Variants in ROCK2 observed in about 807,000 individuals in gnomAD.
ROCK2 encodes the protein Rho associated coiled-coil containing protein kinase 2, also known as rho-associated protein kinase 2.
A neutral mutation model predicts 195.1 loss-of-function variants in ROCK2; 61 were observed. That is an observed-to-expected ratio of 0.31 (90% CI 0.25 to 0.39). The LOEUF (loss-of-function observed/expected upper bound fraction) is 0.39, where lower values mean the gene tolerates loss of function less well. Among genes scored for constraint, ROCK2 ranks in the 10% least tolerant of loss-of-function variants. ROCK2 has a pLI of 1.00. For synonymous variants in ROCK2, 504 were observed against 545.5 expected (o/e 0.92, Z 1.06); for missense variants, 1,109 against 1,637.4 (o/e 0.68, Z 5.57).
chr2:11,316,247 T>C (rs12992581), intron 1 of ROCK2, among the ~76,000 whole-genome samples: 110,796 of 151,946 alleles, frequency 0.73, 42,342 homozygotes, highest in East Asian at 0.94. Flanking sequence ...GAAGAGGAGG[T>C]GATGGATAGG....
chr2:11,311,393 T>C (rs1002563900), intron 1 of ROCK2, among the ~76,000 whole-genome samples: 7 of 152,172 alleles, frequency 4.6e-5, no homozygotes, highest in Non-Finnish European at 8.8e-5. Flanking sequence ...TTGAGAAGCC[T>C]AAGAGAGCTT....
chr2:11,326,425 C>T (rs539815743), intron 1 of ROCK2, among the ~76,000 whole-genome samples: 3 of 152,104 alleles, frequency 2.0e-5, no homozygotes, highest in Admixed American at 6.5e-5. Context: ...GATCTTGGAG[C>T]GAGCAGTTTT....
intron 3 of ROCK2, among the ~76,000 whole-genome samples, chr2:11,256,698 A>T (rs1183705406): frequency 1.3e-5 from 2 of 151,354 alleles, no homozygotes; most frequent in African/African-American, 4.9e-5. Flanking sequence ...GTATATAAAT[A>T]ATAAAGCAGA....
chr2:11,305,901 G>A (rs72789516), intron 1 of ROCK2, among the ~76,000 whole-genome samples: 2 of 152,138 alleles, frequency 1.3e-5, no homozygotes, highest in Non-Finnish European at 2.9e-5. Context: ...AAGTAAAGAA[G>A]TGTACAAGGA....
intron 3 of ROCK2, among the ~76,000 whole-genome samples, chr2:11,274,444 C>T (rs1666756522): frequency 6.6e-6 from 1 of 152,118 alleles, no homozygotes. Context: ...TTACTACCCA[C>T]TTTACGAAAA....
chr2:11,190,665 T>C (rs1282240862), intron 32 of ROCK2, among the ~76,000 whole-genome samples: 6 of 152,140 alleles, frequency 3.9e-5, no homozygotes, highest in Non-Finnish European at 5.9e-5. Flanking sequence ...AATATAACAA[T>C]ACCTATTCTA....
intron 32 of ROCK2, among the ~76,000 whole-genome samples, chr2:11,190,730 G>C (rs1320640446): frequency 6.6e-6 from 1 of 152,074 alleles, no homozygotes; most frequent in Non-Finnish European, 1.5e-5. Context: ...AGTTAAATGA[G>C]AGAAAAGAAT....
At chr2:11,285,162 T>C (rs1408405043) in intron 3 of ROCK2, among the ~76,000 whole-genome samples, 4 of 150,302 alleles carry the variant, frequency 2.7e-5, no homozygotes, top group African/African-American at 9.8e-5. Flanking sequence ...CTTAGAAGAC[T>C]GAGGCAGGAG....
intron 1 of ROCK2, among the ~76,000 whole-genome samples, chr2:11,288,758 A>G (rs966791937): frequency 6.6e-6 from 1 of 151,086 alleles, no homozygotes. Context: ...AAACATGGGG[A>G]AAATTACACA....
chr2:11,229,607 A>G lies in ROCK2; in HGVS notation c.724-2209T>C, dbSNP rs1423243540. 5.3e-5 allele frequency among the ~76,000 whole-genome samples: 8 copies of G among 151,130 alleles called. No homozygotes were observed. In the East Asian group the frequency reaches 1.5e-3, roughly 29 times the overall value. On this transcript the variant is annotated intron_variant, in intron 5 of 32. Transcript: ENST00000315872. ...TAAAACCAATCAGGATGTGGGGGGAACTCTAAATGCAACACAAAAAAAAAA... is the reference window on the plus strand; with the variant it reads ...TAAAACCAATCAGGATGTGGGGGGAGCTCTAAATGCAACACAAAAAAAAAA...
intron 12 of ROCK2, 116 bp downstream of exon 12, chr2:11,216,974 G>A (rs57554471): frequency 0.44 from 233,212 of 526,900 alleles, 54,665 homozygotes; most frequent in Admixed American, 0.53. Context: ...CACCCACCTC[G>A]GCCTCCCAAA....
At chr2:11,332,105 G>A (rs952334410) in intron 1 of ROCK2, among the ~76,000 whole-genome samples, 14 of 151,578 alleles carry the variant, frequency 9.2e-5, no homozygotes, top group East Asian at 5.8e-4. Context: ...ATCACACTGC[G>A]CTCCAGCATG....
intron 1 of ROCK2, among the ~76,000 whole-genome samples, chr2:11,305,480 T>C (rs1385196354): frequency 7.7e-5 from 10 of 130,232 alleles, no homozygotes; most frequent in African/African-American, 2.4e-4. Flanking sequence ...CACACACACT[T>C]ACGTGCATGC....
intron 3 of ROCK2, among the ~76,000 whole-genome samples, chr2:11,264,358 C>T (rs1666341738): frequency 6.6e-6 from 1 of 151,774 alleles, no homozygotes; most frequent in Admixed American, 6.6e-5. Flanking sequence ...AAAGCAGAAA[C>T]AGGACTTACT....
chr2:11,330,590 C>T (rs577949951), intron 1 of ROCK2, among the ~76,000 whole-genome samples: 6 of 152,106 alleles, frequency 3.9e-5, no homozygotes, highest in African/African-American at 1.2e-4. Context: ...AAACGAAAAA[C>T]TTTTAAGAAC....
chr2:11,330,606 A>G (rs1214601965), intron 1 of ROCK2, among the ~76,000 whole-genome samples: 1 of 152,080 alleles, frequency 6.6e-6, no homozygotes, highest in East Asian at 1.9e-4. Context: ...AGAACCCAAG[A>G]AGCGGAGGCT....
intron 3 of ROCK2, among the ~76,000 whole-genome samples, chr2:11,254,317 T>C (rs1218070387): frequency 6.6e-6 from 1 of 152,138 alleles, no homozygotes; most frequent in Non-Finnish European, 1.5e-5. Flanking sequence ...TAAAAGTCAA[T>C]ATTGCAACCA....
intron 18 of ROCK2, among the ~76,000 whole-genome samples, chr2:11,210,820 T>C (rs1664223803): frequency 1.3e-5 from 2 of 152,228 alleles, no homozygotes; most frequent in South Asian, 2.1e-4. Flanking sequence ...AATTAGATTT[T>C]TGTAAATAAA....
At chr2:11,243,864 A>T (rs2148118436) in intron 4 of ROCK2, among the ~76,000 whole-genome samples, 1 of 152,356 alleles carries the variant, frequency 6.6e-6, no homozygotes, top group East Asian at 1.9e-4. Flanking sequence ...TCATTCATAC[A>T]TTTGTAATAA....
Sources: gnomAD v4.1 joint callset for allele counts (sites outside exome capture counted in the v4.1 genomes callset) on GRCh38, gnomAD v4.1.1 for gene constraint, MANE v1.5 for transcripts, NCBI Gene and HGNC (gene_info 2026-07-23, HGNC 2026-07-21) for gene names.